Variants in TTC28 observed in about 807,000 individuals in gnomAD.
The protein encoded by TTC28 is tetratricopeptide repeat domain 28.
TTC28 carries 61 observed loss-of-function variants against 198.0 expected under a neutral mutation model. That is an observed-to-expected ratio of 0.31 (90% CI 0.25 to 0.38). The LOEUF is 0.38. Among genes scored for constraint, TTC28 ranks in the 10% least tolerant of loss-of-function variants. TTC28 has a pLI of 1.00. For synonymous variants in TTC28, 1,171 were observed against 1,297.8 expected (o/e 0.90, Z 2.10); for missense variants, 2,678 against 3,164.0 (o/e 0.85, Z 3.69).
At chr22:28,397,461 T>A (rs1379474240) in intron 2 of TTC28, among the ~76,000 whole-genome samples, 1 of 152,234 alleles carries the variant, frequency 6.6e-6, no homozygotes. Context: ...AAACCATACA[T>A]AATGTTGCAT....
At chr22:28,170,788 G>GA (rs1922597161) in intron 5 of TTC28, among the ~76,000 whole-genome samples, 1 of 151,866 alleles carries the variant, frequency 6.6e-6, no homozygotes, top group Non-Finnish European at 1.5e-5. Context: ...AGTCTCAGAG[G>GA]AAAAAAATGG....
At chr22:28,070,716 A>G (rs961111980) in intron 12 of TTC28, among the ~76,000 whole-genome samples, 4 of 152,244 alleles carry the variant, frequency 2.6e-5, no homozygotes, top group Non-Finnish European at 5.9e-5. Context: ...TCTAAAGGAA[A>G]GAAAATCAAT....
chr22:28,234,197 C>T (rs1484181469), intron 5 of TTC28, among the ~76,000 whole-genome samples: 5 of 151,636 alleles, frequency 3.3e-5, no homozygotes, highest in East Asian at 2.0e-4. Context: ...TGAGCCACCG[C>T]ACCTGGCCAA....
rs1460660267 is a variant in TTC28 at position 28,558,701 on chromosome 22, A to G, written c.381+70851T>C. The stretch of plus-strand genomic sequence containing the variant: ...AAAAAAATAAAAAAGAAAAAAAGAT[A>G]TATTGTAAATACTTCATAATAGATT... On this transcript the variant is annotated intron_variant, in intron 2 of 22. Coordinates refer to ENST00000397906, the MANE Select transcript of TTC28 (RefSeq NM_001145418.2). Among the ~76,000 whole-genome samples, 3 of 150,230 alleles carry G rather than the reference A, an allele frequency of 2.0e-5. No homozygotes were observed. The East Asian group carries it at 6.0e-4, about 30-fold the overall frequency.
intron 6 of TTC28, among the ~76,000 whole-genome samples, chr22:28,153,111 G>GTTTCCC (rs1943648379): frequency 1.3e-5 from 2 of 151,976 alleles, no homozygotes. Flanking sequence ...TTCTGATTCA[G>GTTTCCC]ATTACCAGAT....
At chr22:28,141,119 C>T (rs1180401958) in intron 6 of TTC28, among the ~76,000 whole-genome samples, 1 of 152,168 alleles carries the variant, frequency 6.6e-6, no homozygotes, top group East Asian at 1.9e-4. Context: ...ATTTGGCTCA[C>T]TCAGAGGCGC....
chr22:28,595,938 C>T (rs566555510), intron 2 of TTC28, among the ~76,000 whole-genome samples: 1 of 152,044 alleles, frequency 6.6e-6, no homozygotes, highest in Non-Finnish European at 1.5e-5. Flanking sequence ...ATAATAATAA[C>T]ATGTAAGTCA....
chr22:28,657,387 G>A (rs1377208148), intron 1 of TTC28, among the ~76,000 whole-genome samples: 1 of 152,156 alleles, frequency 6.6e-6, no homozygotes, highest in African/African-American at 2.4e-5. Context: ...CACAGATGGA[G>A]GTATTCTTAC....
chr22:28,065,779 A>C (rs1940723824), intron 12 of TTC28, among the ~76,000 whole-genome samples: 2 of 152,252 alleles, frequency 1.3e-5, no homozygotes, highest in Admixed American at 1.3e-4. Flanking sequence ...TCAGACCGTA[A>C]GCTTCCAATG....
chr22:28,006,964 C>G (rs1937953544), intron 14 of TTC28: 1 of 152,110 alleles, frequency 6.6e-6, no homozygotes, highest in South Asian at 2.1e-4. Context: ...TTTTTACTGG[C>G]AGACACGGCA....
chr22:28,159,490 C>T (rs1057133490), intron 6 of TTC28, among the ~76,000 whole-genome samples: 1 of 152,058 alleles, frequency 6.6e-6, no homozygotes, highest in East Asian at 1.9e-4. Context: ...CCCATCTCTA[C>T]TAAAAAACTA....
intron 2 of TTC28, among the ~76,000 whole-genome samples, chr22:28,375,366 TTAGA>T (rs2046394158): frequency 6.6e-6 from 1 of 152,164 alleles, no homozygotes; most frequent in South Asian, 2.1e-4. Context: ...AAACTGAGGA[TTAGA>T]AAGAATAACT....
intron 5 of TTC28, among the ~76,000 whole-genome samples, chr22:28,220,579 C>A (rs775786844): frequency 7.2e-5 from 11 of 152,220 alleles, no homozygotes; most frequent in Admixed American, 2.0e-4. Context: ...AAGTTCTTTG[C>A]CACATGGGGT....
intron 2 of TTC28, among the ~76,000 whole-genome samples, chr22:28,599,338 T>A (rs1454038950): frequency 6.6e-6 from 1 of 152,198 alleles, no homozygotes; most frequent in Non-Finnish European, 1.5e-5. Context: ...TGGTAACTAG[T>A]TTTTAGAATA....
intron 5 of TTC28, among the ~76,000 whole-genome samples, chr22:28,188,012 T>G (rs1258043529): frequency 1.3e-5 from 2 of 152,146 alleles, no homozygotes. Flanking sequence ...TCAACAACAT[T>G]GAGTGCCTAC....
At chr22:28,411,205 C>T (rs1005859306) in intron 2 of TTC28, among the ~76,000 whole-genome samples, 1 of 152,168 alleles carries the variant, frequency 6.6e-6, no homozygotes, top group African/African-American at 2.4e-5. Context: ...TAAAGCAGTG[C>T]ATCTTTGTAA....
intron 2 of TTC28, among the ~76,000 whole-genome samples, chr22:28,372,505 C>T (rs554000211): frequency 1.4e-3 from 204 of 149,868 alleles, no homozygotes; most frequent in African/African-American, 4.8e-3. Context: ...TTTCCCTCCG[C>T]ACCTCCCTAT....
At chr22:28,159,024 G>C (rs1205533579) in intron 6 of TTC28, among the ~76,000 whole-genome samples, 1 of 152,154 alleles carries the variant, frequency 6.6e-6, no homozygotes, top group Non-Finnish European at 1.5e-5. Context: ...TATGACAAGG[G>C]ATTAATAACC....
intron 2 of TTC28, among the ~76,000 whole-genome samples, chr22:28,625,663 G>A (rs2051066909): frequency 6.6e-6 from 1 of 152,022 alleles, no homozygotes; most frequent in Admixed American, 6.6e-5. Context: ...TTTCCAGAAA[G>A]GTTTTTTGAA....
Sources: gnomAD v4.1 joint callset for allele counts (sites outside exome capture counted in the v4.1 genomes callset) on GRCh38, gnomAD v4.1.1 for gene constraint, MANE v1.5 for transcripts, NCBI Gene and HGNC (gene_info 2026-07-23, HGNC 2026-07-21) for gene names.